The following KCNMB3 variants were observed in gnomAD, a reference collection of about 807,000 sequenced individuals.
KCNMB3 encodes potassium calcium-activated channel subfamily M regulatory beta subunit 3.
KCNMB3 carries 18 observed loss-of-function variants against 11.9 expected under a neutral mutation model. That is an observed-to-expected ratio of 1.51 (90% CI 1.04 to 2.23). The LOEUF (loss-of-function observed/expected upper bound fraction) is 2.23, where lower values mean the gene tolerates loss of function less well. Among genes scored for constraint, KCNMB3 ranks in the 30% most tolerant of loss-of-function variants. The pLI is 0.00. For missense variants in KCNMB3, 247 were observed against 329.4 expected (o/e 0.75, Z 1.94); for synonymous variants, 78 against 119.2 (o/e 0.65, Z 2.25).
intron 1 of KCNMB3, chr3:179,259,240 G>A: frequency 2.0e-6 from 3 of 1,535,972 alleles, no homozygotes; most frequent in Non-Finnish European, 1.7e-6. Flanking sequence ...CTAATGTCCT[G>A]TGAGGGACTT....
At chr3:179,263,962 C>T (rs888764224) in intron 1 of KCNMB3, among the ~76,000 whole-genome samples, 13 of 151,832 alleles carry the variant, frequency 8.6e-5, no homozygotes, top group South Asian at 2.1e-4. Context: ...CCGGCTACCA[C>T]GCCCAGCTAA....
intron 2 of KCNMB3, among the ~76,000 whole-genome samples, chr3:179,243,833 A>G (rs923541571): frequency 6.6e-6 from 1 of 152,180 alleles, no homozygotes; most frequent in Non-Finnish European, 1.5e-5. Context: ...TTTTCAAAAA[A>G]GCTTGAGGTT....
chr3:179,253,953 C>G (rs571895593), upstream of KCNMB3, among the ~76,000 whole-genome samples: 3 of 152,174 alleles, frequency 2.0e-5, no homozygotes, highest in East Asian at 5.8e-4. Context: ...AAACTTCTGG[C>G]CAAAGCTTAA....
At chr3:179,251,135 A>G, upstream of KCNMB3, 1 of 1,614,088 alleles carries the variant, frequency 6.2e-7, no homozygotes, top group Non-Finnish European at 8.5e-7. Context: ...GTAATCAAGT[A>G]TTTTTAAAGA....
upstream of KCNMB3, among the ~76,000 whole-genome samples, chr3:179,252,481 CT>C (rs1365927657): frequency 1.3e-5 from 2 of 152,098 alleles, no homozygotes; most frequent in African/African-American, 4.8e-5. Flanking sequence ...CCCTAGCTCC[CT>C]TTTCCCCCAG....
chr3:179,240,202 T>G, downstream of KCNMB3: 1 of 584,040 alleles, frequency 1.7e-6, no homozygotes, highest in Non-Finnish European at 2.9e-6. Flanking sequence ...TAATCAAAAT[T>G]TAGCTGAATT....
chr3:179,240,422 C>A, downstream of KCNMB3: 1 of 163,024 alleles, frequency 6.1e-6, no homozygotes, highest in East Asian at 1.7e-4. Context: ...TATGTATATG[C>A]AATAGGTAAG....
intron 1 of KCNMB3, among the ~76,000 whole-genome samples, chr3:179,257,860 GA>G (rs1200457880): frequency 7.4e-6 from 1 of 134,646 alleles, no homozygotes; most frequent in Non-Finnish European, 1.6e-5. Flanking sequence ...TTACAGGCAT[GA>G]AAACATTGTT....
chr3:179,262,904 C>A (rs1336080239), intron 1 of KCNMB3, among the ~76,000 whole-genome samples: 1 of 152,238 alleles, frequency 6.6e-6, no homozygotes, highest in Non-Finnish European at 1.5e-5. Context: ...GCTAGATACA[C>A]AGTACCAATT....
intron 2 of KCNMB3, among the ~76,000 whole-genome samples, chr3:179,243,605 T>C (rs1725536638): frequency 6.6e-6 from 1 of 152,252 alleles, no homozygotes; most frequent in Non-Finnish European, 1.5e-5. Flanking sequence ...ATGAATCCGT[T>C]TGTCCATTGA....
intron 1 of KCNMB3, among the ~76,000 whole-genome samples, chr3:179,265,419 T>C (rs1726345738): frequency 6.6e-6 from 1 of 152,172 alleles, no homozygotes; most frequent in African/African-American, 2.4e-5. Context: ...TATTTCCAGA[T>C]AGTGAGTGAA....
intron 1 of KCNMB3, among the ~76,000 whole-genome samples, chr3:179,256,883 A>T (rs7642066): frequency 0.59 from 89,345 of 152,096 alleles, 26,697 homozygotes; most frequent in East Asian, 0.87. Flanking sequence ...AGAGTAGGGC[A>T]GGCTGTGGTG....
chr3:179,245,924 CAT>C (rs1239126306), intron 1 of KCNMB3, among the ~76,000 whole-genome samples: 2 of 152,156 alleles, frequency 1.3e-5, no homozygotes, highest in African/African-American at 4.8e-5. Context: ...AGAGAAAGGA[CAT>C]GTGTATATGT....
rs536057619 is a variant in KCNMB3 at position 179,263,716 on chromosome 3, GT to G, written c.62+2932del. ...CTTAAAGGTAATGATTGTGCACTTG[GT>G]TTGCTGGGTTAATCCCCTCCTGCTC... On this transcript the variant is annotated intron_variant, in intron 1 of 3. Transcript: ENST00000349697. Among the ~76,000 whole-genome samples the G allele has an allele frequency of 1.9e-3, 285 of 151,500 alleles. 3 individuals are homozygous for G. The highest frequency in any genetic ancestry group is 6.5e-3 in the African/African-American group (269 of 41,248).
At chr3:179,262,918 G>GT (rs1388000644) in intron 1 of KCNMB3, among the ~76,000 whole-genome samples, 1 of 152,242 alleles carries the variant, frequency 6.6e-6, no homozygotes, top group Non-Finnish European at 1.5e-5. Context: ...ACCAATTGGT[G>GT]TATTTACAAT....
intron 1 of KCNMB3, among the ~76,000 whole-genome samples, chr3:179,257,756 A>G (rs564270269): frequency 6.6e-6 from 1 of 152,308 alleles, no homozygotes; most frequent in South Asian, 2.1e-4. Context: ...TCTGTCTCCC[A>G]GGCTAGAGTA....
upstream of KCNMB3, among the ~76,000 whole-genome samples, chr3:179,253,144 T>C (rs1397354024): frequency 1.3e-5 from 2 of 152,208 alleles, no homozygotes; most frequent in South Asian, 2.1e-4. Context: ...CATTTTCCCT[T>C]GTGCTCTAAA....
intron 1 of KCNMB3, 107 bp from the exon 2 acceptor site, chr3:179,244,800 A>G: frequency 1.1e-6 from 1 of 933,600 alleles, no homozygotes; most frequent in Non-Finnish European, 1.7e-6. Context: ...ATTTGTGTAC[A>G]AGGCATTTGT....
chr3:179,251,320 A>G, upstream of KCNMB3: 2 of 1,441,276 alleles, frequency 1.4e-6, no homozygotes, highest in Non-Finnish European at 1.8e-6. Context: ...TTCCACATGG[A>G]AAGAATGACT....
Sources: allele counts gnomAD v4.1 joint callset (sites outside exome capture counted in the v4.1 genomes callset), GRCh38; gene constraint gnomAD v4.1.1; transcripts MANE v1.5; gene names NCBI Gene and HGNC (gene_info 2026-07-23, HGNC 2026-07-21).